CAMK2B: variants seen among roughly 807,000 people sequenced by gnomAD.
CAMK2B encodes calcium/calmodulin dependent protein kinase II beta.
CAMK2B carries 27 observed loss-of-function variants against 93.7 expected under a neutral mutation model. That is an observed-to-expected ratio of 0.29 (90% CI 0.21 to 0.40). CAMK2B has a LOEUF of 0.40. Among genes scored for constraint, CAMK2B ranks in the 10% least tolerant of loss-of-function variants. The probability of loss-of-function intolerance (pLI) is 1.00; values close to 1 mark genes in which losing one functional copy is unlikely to be tolerated. For missense variants in CAMK2B, 568 were observed against 895.8 expected, an observed-to-expected ratio of 0.63 and a Z score of 4.67; for synonymous variants, 374 against 358.8, an observed-to-expected ratio of 1.04 and a Z score of -0.48.
rs1159066206 is a variant in CAMK2B at position 44,218,224 on chromosome 7, CT to C, written c.*1300del. The C allele has an allele frequency of 1.3e-5, 2 of 153,130 alleles. No individual in the cohort carries two copies. Among genetic ancestry groups the C allele is most frequent in the Admixed American group, 6.5e-5 (1 of 15,296 alleles). 9.5% of individuals were successfully genotyped at this position (153,130 alleles called of 1,614,324 possible). On this transcript the variant is annotated 3_prime_UTR_variant, in exon 24 of 24. Transcript: ENST00000395749. ...CCACTGTAGCTTTTGCTCCCTTCTG[CT>C]CCCGGCCCAGATTCCAAAGGCACTC... is the stretch of plus-strand genomic sequence containing the variant.
intron 1 of CAMK2B, among the ~76,000 whole-genome samples, chr7:44,300,328 G>A (rs911839815): frequency 6.6e-6 from 1 of 151,996 alleles, no homozygotes; most frequent in Non-Finnish European, 1.5e-5. Context: ...AAGCCACCAT[G>A]CCCAGCTATA....
chr7:44,299,332 T>G (rs111912656), intron 1 of CAMK2B, among the ~76,000 whole-genome samples: 4 of 152,226 alleles, frequency 2.6e-5, no homozygotes, highest in African/African-American at 7.2e-5. Flanking sequence ...ATACCTAGAA[T>G]AGACAAATTC....
chr7:44,242,381 C>T (rs1405635567), intron 9 of CAMK2B, 41 bp from the exon 10 acceptor site: 1 of 1,597,660 alleles, frequency 6.3e-7, no homozygotes, highest in Non-Finnish European at 8.5e-7. Flanking sequence ...CTGAAGCTCC[C>T]TCTCAGGCAG....
intron 3 of CAMK2B, among the ~76,000 whole-genome samples, chr7:44,261,130 G>A (rs1204572898): frequency 3.3e-5 from 5 of 152,220 alleles, no homozygotes; most frequent in South Asian, 4.1e-4. Flanking sequence ...TGGCCTCTGC[G>A]TCCCTAAGAC....
chr7:44,226,460 C>A, intron 20 of CAMK2B, 56 bp downstream of exon 20: 1 of 1,319,884 alleles, frequency 7.6e-7, no homozygotes, highest in Admixed American at 3.7e-5. Context: ...GCCAGGCTCG[C>A]ACGCCCCGAG....
At chr7:44,228,609 G>T (rs1046400405) in intron 19 of CAMK2B, among the ~76,000 whole-genome samples, 187 bp downstream of exon 19, 2 of 152,132 alleles carry the variant, frequency 1.3e-5, no homozygotes, top group Non-Finnish European at 2.9e-5. Context: ...CCCTTAGGGA[G>T]AAGCCAGGAG....
intron 1 of CAMK2B, among the ~76,000 whole-genome samples, chr7:44,314,315 G>A (rs1436355753): frequency 6.6e-6 from 1 of 152,132 alleles, no homozygotes; most frequent in Non-Finnish European, 1.5e-5. Flanking sequence ...TCTCGCTCCA[G>A]TTTTTGTCCT....
chr7:44,307,868 T>C (rs1018362998), intron 1 of CAMK2B, among the ~76,000 whole-genome samples: 13 of 152,154 alleles, frequency 8.5e-5, no homozygotes, highest in Admixed American at 7.2e-4. Context: ...ACTGGGGTTT[T>C]GGCCATTTTT....
At chr7:44,239,368 C>T (rs898558708) in intron 13 of CAMK2B, among the ~76,000 whole-genome samples, 2 of 152,220 alleles carry the variant, frequency 1.3e-5, no homozygotes, top group Admixed American at 6.5e-5. Flanking sequence ...GGCCACCTAG[C>T]CCAGCCCCTC....
chr7:44,240,618 G>A, intron 12 of CAMK2B, 89 bp downstream of exon 12: 1 of 1,422,158 alleles, frequency 7.0e-7, no homozygotes, highest in Non-Finnish European at 9.8e-7. Context: ...CAGAGGAGGA[G>A]TGGAGAGGCT....
intron 2 of CAMK2B, among the ~76,000 whole-genome samples, chr7:44,270,570 T>C (rs2096965476): frequency 6.6e-6 from 1 of 152,212 alleles, no homozygotes; most frequent in South Asian, 2.1e-4. Context: ...GGGCCTGCTA[T>C]GGGATGTGGC....
At position 44,240,761 on chromosome 7, in the gene CAMK2B, C is replaced by T. The variant is rs771590580; in HGVS notation, c.904-12G>A. The stretch of plus-strand genomic sequence containing the variant: ...GTGAGGATGGCTCCCTGGGGAGAGA[C>T]ACAGATAAAACCGGGGCTATCCCAT... On this transcript the variant is annotated splice_polypyrimidine_tract_variant and intron_variant, in intron 11 of 23. Coordinates refer to ENST00000395749, the MANE Select transcript of CAMK2B (RefSeq NM_001220.5). The T allele has an allele frequency of 1.9e-6, 3 of 1,613,548 alleles. No homozygotes were observed. The highest frequency in any genetic ancestry group is 1.3e-5 in the African/African-American group (1 of 75,028).
chr7:44,252,468 G>A (rs1338097202), intron 5 of CAMK2B, among the ~76,000 whole-genome samples: 1 of 150,924 alleles, frequency 6.6e-6, no homozygotes, highest in Non-Finnish European at 1.5e-5. Context: ...GAGGGGCAGG[G>A]GAGAGGGCTG....
At chr7:44,222,154 C>T (rs917498425) in intron 20 of CAMK2B, among the ~76,000 whole-genome samples, 1 of 152,182 alleles carries the variant, frequency 6.6e-6, no homozygotes, top group Non-Finnish European at 1.5e-5. Flanking sequence ...CAAAGTAATT[C>T]GTCCGTGGAA....
chr7:44,220,236 G>T lies in CAMK2B; in HGVS notation c.1827C>A (p.Val609=), dbSNP rs2096382951. Residue 609 remains valine (V), a synonymous_variant, in exon 23 of 24, where the codon GTC becomes GTA. Coordinates refer to ENST00000395749, the MANE Select transcript of CAMK2B (RefSeq NM_001220.5). Reference sequence around the variant, plus strand: ...CGATGCAGGCGGCATCCTCTCCAATGACGTGCACGTGTGGGTTCAGGATGG... The same window carrying T: ...CGATGCAGGCGGCATCCTCTCCAATTACGTGCACGTGTGGGTTCAGGATGG... ...HTTILNPHVH[V]IGEDAACIAY... is the part of the protein sequence containing the mutation. 6.2e-7 allele frequency: 1 copy of T among 1,613,374 alleles called. No homozygotes were observed. The highest frequency in any genetic ancestry group is 8.5e-7 in the Non-Finnish European group (1 of 1,179,980).
intron 5 of CAMK2B, among the ~76,000 whole-genome samples, chr7:44,247,456 AAGGAAACACCCCTGTCCCC>A (rs2096742719): frequency 6.6e-6 from 1 of 152,310 alleles, no homozygotes; most frequent in East Asian, 1.9e-4. Context: ...GTGACTTTCA[AAGGAAACACCCCTGTCCCC>A]AGGCTCCTGT....
chr7:44,220,143 G>C lies in CAMK2B; in HGVS notation c.1920C>G (p.Thr640=), dbSNP rs570634581. 6.2e-7 allele frequency: 1 copy of C among 1,612,574 alleles called. No individual in the cohort carries two copies. Among genetic ancestry groups the C allele is most frequent in the South Asian group, 1.1e-5 (1 of 91,048 alleles). Residue 640 remains threonine, a synonymous_variant, in exon 23 of 24, where the codon ACC becomes ACG. Transcript: ENST00000395749. ...GRPRTSQSEE[T]RVWHRRDGKW... is the part of the protein sequence containing the mutation. ...TGCCGTCGCGGCGGTGCCACACGCG[G>C]GTCTCCTCAGACTGGCTGGTGCGGG...
At chr7:44,291,752 T>C (rs1786897738) in intron 1 of CAMK2B, among the ~76,000 whole-genome samples, 2 of 152,236 alleles carry the variant, frequency 1.3e-5, no homozygotes. Flanking sequence ...CCAACTTCCC[T>C]TCTCGAAAAT....
In CAMK2B at chr7:44,243,281, C is replaced by A; in HGVS notation, c.570G>T (p.Ala190=). 6.2e-7 allele frequency: 1 copy of A among 1,613,966 alleles called. No individual in the cohort carries two copies. The highest frequency in any genetic ancestry group is 8.5e-7 in the Non-Finnish European group (1 of 1,179,928). Residue 190 remains alanine, a synonymous_variant, in exon 8 of 24, where the codon GCG becomes GCT. Coordinates refer to ENST00000395749, the MANE Select transcript of CAMK2B (RefSeq NM_001220.5). ...YLSPEVLRKE[A]YGKPVDIWAC... ...CCCAGATGTCCACAGGCTTGCCATA[C>A]GCCTCTTTGCGAAGGACCTCAGGGG...
Sources: allele counts gnomAD v4.1 joint callset (sites outside exome capture counted in the v4.1 genomes callset), GRCh38; gene constraint gnomAD v4.1.1; transcripts MANE v1.5; gene names NCBI Gene and HGNC (gene_info 2026-07-23, HGNC 2026-07-21).